Variants in KCNAB1 observed in about 807,000 individuals in gnomAD.
The protein encoded by KCNAB1 is potassium voltage-gated channel subfamily A regulatory beta subunit 1, also known as voltage-gated potassium channel subunit beta-1.
In KCNAB1, 35 loss-of-function variants were observed where a neutral mutation model predicts 64.6. The ratio of observed to expected loss-of-function variants is 0.54; its 90% CI spans 0.41 to 0.72. The LOEUF (loss-of-function observed/expected upper bound fraction) is 0.72. Ranked by LOEUF, KCNAB1 falls within the 30% of genes least tolerant of loss-of-function variation. The probability of loss-of-function intolerance (pLI) is 0.00; values close to 1 mark genes in which losing one functional copy is unlikely to be tolerated. For synonymous variants in KCNAB1, 177 were observed against 183.8 expected, an observed-to-expected ratio of 0.96 and a Z score of 0.30; for missense variants, 401 against 512.9, an observed-to-expected ratio of 0.78 and a Z score of 2.11.
At chr3:156,419,168 A>T (rs1715291741) in intron 1 of KCNAB1, among the ~76,000 whole-genome samples, 1 of 152,202 alleles carries the variant, frequency 6.6e-6, no homozygotes, top group Non-Finnish European at 1.5e-5. Flanking sequence ...GTTGCTAAGT[A>T]CCCAGTGATA....
At chr3:156,464,921 A>T (rs1364511707) in intron 6 of KCNAB1, among the ~76,000 whole-genome samples, 3 of 152,234 alleles carry the variant, frequency 2.0e-5, no homozygotes, top group Non-Finnish European at 4.4e-5. Flanking sequence ...AATACTACCT[A>T]CGGTATTACT....
At chr3:156,430,874 G>A (rs559007483) in intron 2 of KCNAB1, among the ~76,000 whole-genome samples, 5 of 152,216 alleles carry the variant, frequency 3.3e-5, no homozygotes, top group African/African-American at 9.6e-5. Flanking sequence ...GATTAGGTTC[G>A]GCATGACTCT....
chr3:156,432,896 A>C (rs1424322312), intron 2 of KCNAB1, among the ~76,000 whole-genome samples: 1 of 152,112 alleles, frequency 6.6e-6, no homozygotes, highest in African/African-American at 2.4e-5. Flanking sequence ...AGGGCAAAAG[A>C]GAGGAGCACA....
chr3:156,522,827 CTATTATG>C (rs11271447), intron 11 of KCNAB1, among the ~76,000 whole-genome samples: 83,192 of 151,290 alleles, frequency 0.55, 23,283 homozygotes, highest in Admixed American at 0.66. Context: ...TCTGCGATGG[CTATTATG>C]TATTATGTCA....
chr3:156,390,237 A>G (rs939376738), intron 1 of KCNAB1, among the ~76,000 whole-genome samples: 3 of 152,212 alleles, frequency 2.0e-5, no homozygotes, highest in African/African-American at 7.2e-5. Flanking sequence ...TCTGAGGGAT[A>G]GACCAGAGGA....
chr3:156,538,134 G>A lies in KCNAB1; in HGVS notation c.*1387G>A, dbSNP rs1719186123. Reference sequence around the variant, plus strand: ...CTGTGTCAATATCTGTAAAAAGAGAGAAAACATGTTTTGTTTTTTTTTGAA... The same window carrying A: ...CTGTGTCAATATCTGTAAAAAGAGAAAAAACATGTTTTGTTTTTTTTTGAA... On this transcript the variant is annotated 3_prime_UTR_variant, in exon 14 of 14. Transcript: ENST00000490337. 2 of 118,196 alleles carry A rather than the reference G, an allele frequency of 1.7e-5. No individual in the cohort carries two copies. The highest frequency in any genetic ancestry group is 9.9e-5 in the Admixed American group (1 of 10,088). The allele number at this position is 118,196 out of a possible 1,614,324, so 7.3% of individuals were successfully genotyped here.
intron 1 of KCNAB1, among the ~76,000 whole-genome samples, chr3:156,234,135 C>T (rs1199979717): frequency 1.3e-5 from 2 of 151,848 alleles, no homozygotes; most frequent in African/African-American, 4.8e-5. Context: ...CAAGAATTCC[C>T]CAGGGGCTGG....
chr3:156,291,120 A>C, intron 1 of KCNAB1: 1 of 985,506 alleles, frequency 1.0e-6, no homozygotes, highest in Non-Finnish European at 1.2e-6. Context: ...GATTTGTTAC[A>C]GCAAGAGCCT....
intron 1 of KCNAB1, among the ~76,000 whole-genome samples, chr3:156,317,553 C>G (rs1722364144): frequency 1.3e-5 from 2 of 151,966 alleles, no homozygotes; most frequent in African/African-American, 4.8e-5. Context: ...TGTCTTCCTT[C>G]TTCCCTATCT....
rs538819745 is a variant in KCNAB1, at chr3:156,380,490, C to CA, written c.276-41120dup. Among the ~76,000 whole-genome samples, 15 of 152,224 alleles carry CA rather than the reference C, an allele frequency of 9.9e-5. No homozygotes were observed. The South Asian group carries it at 1.7e-3, about 17-fold the overall frequency. ...TCTCCAAAATAACACAACTATTTCA[C>CA]AAAAAACTAGCATTAGATTTCAGTC... is the stretch of plus-strand genomic sequence containing the variant. On this transcript the variant is annotated intron_variant, in intron 1 of 13. Transcript: ENST00000490337.
At chr3:156,414,124 GAT>G (rs1714885910) in intron 1 of KCNAB1, among the ~76,000 whole-genome samples, 3 of 152,296 alleles carry the variant, frequency 2.0e-5, no homozygotes, top group Admixed American at 1.3e-4. Flanking sequence ...GAGAAAGTGA[GAT>G]ATTCACCCAC....
rs762436426 is a variant in KCNAB1, at chr3:156,120,626, G to A, written c.15G>A (p.Arg5=). The stretch of plus-strand genomic sequence containing the variant: ...AGATCTCCACGATGCTGGCAGCCCG[G>A]ACAGGGGCAGCGGGGAGTCAGATCT... The part of the protein sequence containing the change: MLAA[R]TGAAGSQISE... The change falls in exon 1 of 14, where the codon CGG becomes CGA. Residue 5 remains arginine, a synonymous_variant. Coordinates refer to ENST00000490337, the MANE Select transcript of KCNAB1 (RefSeq NM_172160.3). The A allele has an allele frequency of 1.2e-6, 2 of 1,614,174 alleles. No individual in the cohort carries two copies. The highest frequency in any genetic ancestry group is 8.5e-7 in the Non-Finnish European group (1 of 1,179,998).
chr3:156,367,171 CTT>C (rs9331286), intron 1 of KCNAB1, among the ~76,000 whole-genome samples: 6,944 of 118,424 alleles, frequency 0.059, 514 homozygotes, highest in African/African-American at 0.23. Context: ...AGTAATCTAC[CTT>C]TTTTTTTTTT....
intron 1 of KCNAB1, among the ~76,000 whole-genome samples, chr3:156,247,178 G>A (rs1337405024): frequency 6.6e-6 from 1 of 152,214 alleles, no homozygotes; most frequent in Non-Finnish European, 1.5e-5. Context: ...TAGAAAGGCT[G>A]TCTTCCTCGT....
At position 156,487,896 on chromosome 3, in the gene KCNAB1, TAA is replaced by T. The variant is rs113777319; in HGVS notation, c.658+13085_658+13086del. Among the ~76,000 whole-genome samples, 384 of 148,094 alleles carry T rather than the reference TAA, an allele frequency of 2.6e-3. 3 individuals carry two copies. Among genetic ancestry groups the T allele is most frequent in the African/African-American group, 9.1e-3 (370 of 40,724 alleles). On this transcript the variant is annotated intron_variant, in intron 8 of 13. Coordinates refer to ENST00000490337, the MANE Select transcript of KCNAB1 (RefSeq NM_172160.3). ...TTAACAAAAAGCCAAAAAAGGGAGATAAAAAAAAAATAAAAAATGGGTAAGAG... is the reference window on the plus strand; with the variant it reads ...TTAACAAAAAGCCAAAAAAGGGAGATAAAAAAAATAAAAAATGGGTAAGAG...
At chr3:156,298,580 C>G (rs1720945889) in intron 1 of KCNAB1, among the ~76,000 whole-genome samples, 1 of 152,140 alleles carries the variant, frequency 6.6e-6, no homozygotes, top group Non-Finnish European at 1.5e-5. Context: ...TTTAAAATTC[C>G]TTTCATCAAA....
intron 1 of KCNAB1, among the ~76,000 whole-genome samples, chr3:156,359,235 C>T (rs1023888754): frequency 2.6e-5 from 4 of 152,186 alleles, no homozygotes; most frequent in African/African-American, 9.7e-5. Flanking sequence ...CCAGTGGTCA[C>T]TCATCTGCTT....
intron 8 of KCNAB1, among the ~76,000 whole-genome samples, chr3:156,506,125 T>C (rs1353090576): frequency 6.6e-6 from 1 of 152,242 alleles, no homozygotes; most frequent in East Asian, 1.9e-4. Flanking sequence ...TTTCAGCTAG[T>C]TTGTTGTTAT....
chr3:156,341,131 A>G (rs73873318), intron 1 of KCNAB1, among the ~76,000 whole-genome samples: 1 of 152,228 alleles, frequency 6.6e-6, no homozygotes, highest in South Asian at 2.1e-4. Flanking sequence ...ACAGCAAAAA[A>G]TACAGAACTT....
Sources: gnomAD v4.1 joint callset for allele counts (sites outside exome capture counted in the v4.1 genomes callset) on GRCh38, gnomAD v4.1.1 for gene constraint, MANE v1.5 for transcripts, NCBI Gene and HGNC (gene_info 2026-07-23, HGNC 2026-07-21) for gene names.